The following ENTPD1 variants were observed in gnomAD, a reference collection of about 807,000 sequenced individuals.
ENTPD1 encodes the protein ATP diphosphohydrolase.
A neutral mutation model predicts 57.0 loss-of-function variants in ENTPD1; 33 were observed. That is an observed-to-expected ratio of 0.58 (90% CI 0.44 to 0.77). The LOEUF (loss-of-function observed/expected upper bound fraction) is 0.77, where lower values mean the gene tolerates loss of function less well. Among genes scored for constraint, ENTPD1 ranks in the 30% least tolerant of loss-of-function variants. The pLI is 0.00. For missense variants in ENTPD1, 501 were observed against 603.4 expected, an observed-to-expected ratio of 0.83 and a Z score of 1.78; for synonymous variants, 202 against 218.8, an observed-to-expected ratio of 0.92 and a Z score of 0.68.
intron 7 of ENTPD1, among the ~76,000 whole-genome samples, chr10:95,852,479 G>T (rs926780243): frequency 1.3e-5 from 2 of 152,110 alleles, no homozygotes; most frequent in African/African-American, 4.8e-5. Flanking sequence ...CATTGCTTTT[G>T]GTGTATTAGA....
At chr10:95,747,172 A>G (rs2098006905) in intron 1 of ENTPD1, among the ~76,000 whole-genome samples, 1 of 152,230 alleles carries the variant, frequency 6.6e-6, no homozygotes, top group Non-Finnish European at 1.5e-5. Context: ...AATTATAAAA[A>G]TCCATTATTT....
At chr10:95,781,006 A>G (rs2098155356) in intron 1 of ENTPD1, among the ~76,000 whole-genome samples, 1 of 152,210 alleles carries the variant, frequency 6.6e-6, no homozygotes, top group Non-Finnish European at 1.5e-5. Context: ...TTTGGAAGCA[A>G]CCTAAGTGTC....
chr10:95,869,742 T>C lies in ENTPD1; in HGVS notation c.*3359T>C, dbSNP rs1475785264. 2 of 885,978 alleles carry C rather than the reference T, an allele frequency of 2.3e-6. No homozygotes were observed. Among genetic ancestry groups the C allele is most frequent in the African/African-American group, 1.8e-5 (1 of 55,154 alleles). 54.9% of individuals were successfully genotyped at this position (885,978 alleles called of 1,614,324 possible). A position where few individuals can be genotyped will look rare whatever the true frequency, so the allele number is the denominator to read the frequency against. ...AGGTCCCTGCAAGAGATGGATGGTATGGTACACTCAAACTGGGTAACACAG... is the reference window on the plus strand; with the variant it reads ...AGGTCCCTGCAAGAGATGGATGGTACGGTACACTCAAACTGGGTAACACAG... On this transcript the variant is annotated 3_prime_UTR_variant, in exon 10 of 10. Coordinates refer to ENST00000371205, the MANE Select transcript of ENTPD1 (RefSeq NM_001776.6).
chr10:95,870,120 T>C lies in ENTPD1; in HGVS notation c.*3737T>C. Reference sequence around the variant, plus strand: ...AAAAAGCTTTTGAGATCCTAGGTTGTATTCCTCAGGTTTTGTTGCCTTCCC... The same window carrying C: ...AAAAAGCTTTTGAGATCCTAGGTTGCATTCCTCAGGTTTTGTTGCCTTCCC... On this transcript the variant is annotated 3_prime_UTR_variant, in exon 10 of 10. Coordinates refer to ENST00000371205, the MANE Select transcript of ENTPD1 (RefSeq NM_001776.6). 1 of 985,442 alleles carries C rather than the reference T, an allele frequency of 1.0e-6. No individual in the cohort carries two copies. The highest frequency in any genetic ancestry group is 1.2e-6 in the Non-Finnish European group (1 of 829,932). The allele number at this position is 985,442 out of a possible 1,614,324, so 61.0% of individuals were successfully genotyped here.
the ENTPD1 span, among the ~76,000 whole-genome samples, chr10:95,702,448 A>G: frequency 2.0e-5 from 3 of 152,154 alleles, no homozygotes; most frequent in African/African-American, 7.2e-5. Flanking sequence ...AAGATCTAGT[A>G]TAAAACATGG....
At chr10:95,774,494 A>T (rs1214466721) in intron 1 of ENTPD1, among the ~76,000 whole-genome samples, 1 of 152,068 alleles carries the variant, frequency 6.6e-6, no homozygotes, top group Non-Finnish European at 1.5e-5. Flanking sequence ...ATCCTTCTTG[A>T]ATTAATTTTT....
At chr10:95,723,082 C>T (rs1385906948) in intron 1 of ENTPD1, among the ~76,000 whole-genome samples, 1 of 152,130 alleles carries the variant, frequency 6.6e-6, no homozygotes, top group African/African-American at 2.4e-5. Flanking sequence ...AGGAAGGCTG[C>T]GGGTTGTCAG....
chr10:95,835,190 A>G (rs2140731062), intron 2 of ENTPD1, among the ~76,000 whole-genome samples: 1 of 152,214 alleles, frequency 6.6e-6, no homozygotes. Flanking sequence ...AATATGCAGT[A>G]TTTGGTTTTC....
chr10:95,844,503 G>A lies in ENTPD1; in HGVS notation c.441G>A (p.Arg147=), dbSNP rs142431233. Residue 147 remains arginine (R), a synonymous_variant, in exon 5 of 10, where the codon AGG becomes AGA. Transcript: ENST00000371205. ...TGGAAAGTGAAGAGTTGGCAGACAG[G>A]GTTCTGGATGTGGTGGAGAGGAGCC... ...LRMESEELAD[R]VLDVVERSLS... is the part of the protein sequence containing the mutation. 6.2e-7 allele frequency: 1 copy of A among 1,614,054 alleles called. No homozygotes were observed. Among genetic ancestry groups the A allele is most frequent in the African/African-American group, 1.3e-5 (1 of 74,918 alleles).
intron 1 of ENTPD1, among the ~76,000 whole-genome samples, chr10:95,729,281 G>T (rs1371287582): frequency 6.6e-6 from 1 of 152,114 alleles, no homozygotes; most frequent in East Asian, 1.9e-4. Context: ...AGCATGAAAA[G>T]TACCTATATG....
intron 4 of ENTPD1, 67 bp downstream of exon 4, chr10:95,842,561 T>C: frequency 6.4e-7 from 1 of 1,569,338 alleles, no homozygotes; most frequent in Admixed American, 1.9e-5. Context: ...GCCTCTGAAG[T>C]TATGGGAAAG....
At chr10:95,717,895 G>A (rs2097973381) in intron 1 of ENTPD1, among the ~76,000 whole-genome samples, 1 of 152,234 alleles carries the variant, frequency 6.6e-6, no homozygotes, top group African/African-American at 2.4e-5. Context: ...GACAGCATCT[G>A]GGGCTCCATT....
chr10:95,711,269 T>G (rs1046246850), upstream of ENTPD1, among the ~76,000 whole-genome samples: 1 of 152,210 alleles, frequency 6.6e-6, no homozygotes, highest in African/African-American at 2.4e-5. Context: ...CTACCCCACA[T>G]TTAGACTGTT....
chr10:95,776,622 C>G (rs868439997), intron 1 of ENTPD1, among the ~76,000 whole-genome samples: 1 of 152,192 alleles, frequency 6.6e-6, no homozygotes, highest in Middle Eastern at 3.4e-3. Context: ...TGGGGTTGCT[C>G]TTCTCAAGGA....
At chr10:95,744,746 T>C (rs542358552) in intron 1 of ENTPD1, among the ~76,000 whole-genome samples, 86 of 152,348 alleles carry the variant, frequency 5.6e-4, no homozygotes, top group African/African-American at 1.9e-3. Context: ...TGGGCTCCCT[T>C]GACTTCCTGA....
In ENTPD1 at chr10:95,869,754, AC is replaced by A; in HGVS notation, c.*3372del. 2 of 840,760 alleles carry A rather than the reference AC, an allele frequency of 2.4e-6. No homozygotes were observed. The highest frequency in any genetic ancestry group is 2.9e-6 in the Non-Finnish European group (2 of 698,200). 52.1% of individuals were successfully genotyped at this position (840,760 alleles called of 1,614,324 possible). On this transcript the variant is annotated 3_prime_UTR_variant, in exon 10 of 10. Transcript: ENST00000371205. The stretch of plus-strand genomic sequence containing the variant: ...GAGATGGATGGTATGGTACACTCAA[AC>A]TGGGTAACACAGGAGAGTTTTCAGA...
rs915778646 is a variant in ENTPD1 at position 95,869,492 on chromosome 10, C to T, written c.*3109C>T. 20 of 934,694 alleles carry T rather than the reference C, an allele frequency of 2.1e-5. No homozygotes were observed. The highest frequency in any genetic ancestry group is 2.6e-5 in the Non-Finnish European group (20 of 784,142). The allele number at this position is 934,694 out of a possible 1,614,324, so 57.9% of individuals were successfully genotyped here. A position where few individuals can be genotyped will look rare whatever the true frequency, so the allele number is the denominator to read the frequency against. ...CTCCAACTCCCAATCTCAGGTGATC[C>T]TATTGCCTCGGGCTCCCAAAGTGCT... On this transcript the variant is annotated 3_prime_UTR_variant, in exon 10 of 10. Coordinates refer to ENST00000371205, the MANE Select transcript of ENTPD1 (RefSeq NM_001776.6).
intron 9 of ENTPD1, 130 bp from the exon 10 acceptor site, chr10:95,866,047 G>A (rs935998509): frequency 7.7e-6 from 10 of 1,300,612 alleles, no homozygotes; most frequent in Middle Eastern, 2.5e-4. Flanking sequence ...TTACAGGCAT[G>A]AGCCACTGTG....
At chr10:95,842,626 G>T in intron 4 of ENTPD1, 132 bp downstream of exon 4, 2 of 990,148 alleles carry the variant, frequency 2.0e-6, no homozygotes, top group South Asian at 1.9e-5. Context: ...ACTTAAGAAA[G>T]GATATTTTAG....
Sources: allele counts gnomAD v4.1 joint callset (sites outside exome capture counted in the v4.1 genomes callset), GRCh38; gene constraint gnomAD v4.1.1; transcripts MANE v1.5; gene names NCBI Gene and HGNC (gene_info 2026-07-23, HGNC 2026-07-21).